Variants in RSRC1 observed in about 807,000 individuals in gnomAD.
The protein encoded by RSRC1 is arginine and serine rich coiled-coil 1.
A neutral mutation model predicts 49.1 loss-of-function variants in RSRC1; 39 were observed. The observed-to-expected ratio is 0.79, with a 90% CI of 0.61 to 1.04. The LOEUF is 1.04. Ranked by LOEUF, RSRC1 falls within the 50% of genes least tolerant of loss-of-function variation. The pLI, the probability that RSRC1 is intolerant of heterozygous loss-of-function variation, is 0.00. For missense variants in RSRC1, 388 were observed against 402.4 expected, an observed-to-expected ratio of 0.96 and a Z score of 0.31; for synonymous variants, 143 against 130.8, an observed-to-expected ratio of 1.09 and a Z score of -0.63.
chr3:158,165,003 G>T (rs1343812845), intron 3 of RSRC1, among the ~76,000 whole-genome samples: 4 of 152,068 alleles, frequency 2.6e-5, no homozygotes, highest in African/African-American at 9.7e-5. Context: ...CTCCAAATTA[G>T]ATTTTAAATG....
At chr3:158,360,948 G>A (rs940352016) in intron 6 of RSRC1, among the ~76,000 whole-genome samples, 5 of 152,206 alleles carry the variant, frequency 3.3e-5, no homozygotes, top group African/African-American at 1.2e-4. Context: ...ACAGCCTGGG[G>A]TGGGGGTTCC....
intron 6 of RSRC1, among the ~76,000 whole-genome samples, chr3:158,359,170 G>A (rs149060420): frequency 2.0e-5 from 3 of 152,018 alleles, no homozygotes; most frequent in East Asian, 1.9e-4. Flanking sequence ...TTTTACTTTC[G>A]CACCAATAGC....
At chr3:158,393,076 A>G (rs1023485550) in intron 6 of RSRC1, among the ~76,000 whole-genome samples, 1 of 152,062 alleles carries the variant, frequency 6.6e-6, no homozygotes, top group Non-Finnish European at 1.5e-5. Flanking sequence ...TTTTGTATAA[A>G]CAATGAAATT....
chr3:158,122,504 T>G (rs56991859), intron 2 of RSRC1, among the ~76,000 whole-genome samples: 1,662 of 152,112 alleles, frequency 0.011, 43 homozygotes, highest in African/African-American at 0.038. Flanking sequence ...AGTAGGCAAA[T>G]AGATAGAAAG....
chr3:158,353,822 T>C (rs573493030), intron 5 of RSRC1, among the ~76,000 whole-genome samples: 3 of 152,272 alleles, frequency 2.0e-5, no homozygotes, highest in South Asian at 4.1e-4. Context: ...CTGACAACTT[T>C]ATAAATATAT....
At chr3:158,256,254 A>C (rs1422935769) in intron 4 of RSRC1, among the ~76,000 whole-genome samples, 5 of 152,110 alleles carry the variant, frequency 3.3e-5, no homozygotes, top group Non-Finnish European at 7.4e-5. Context: ...TAGTTTATTG[A>C]GAGTTTTTAG....
At chr3:158,251,526 C>T (rs1249293883) in intron 4 of RSRC1, among the ~76,000 whole-genome samples, 1 of 151,870 alleles carries the variant, frequency 6.6e-6, no homozygotes, top group Non-Finnish European at 1.5e-5. Flanking sequence ...TTATAGAGAT[C>T]TTTGTTTTTT....
At chr3:158,192,194 T>C (rs1208165375) in intron 3 of RSRC1, among the ~76,000 whole-genome samples, 2 of 152,064 alleles carry the variant, frequency 1.3e-5, no homozygotes, top group African/African-American at 4.8e-5. Context: ...TCCAATAGCT[T>C]ATTCTGTGCA....
intron 7 of RSRC1, among the ~76,000 whole-genome samples, chr3:158,518,092 G>A (rs923005644): frequency 7.4e-5 from 6 of 81,338 alleles, no homozygotes; most frequent in Non-Finnish European, 1.4e-4. Flanking sequence ...ACGTAAGTGC[G>A]TGCGTGTGTG....
At chr3:158,234,367 A>T (rs1723125534) in intron 4 of RSRC1, among the ~76,000 whole-genome samples, 1 of 152,180 alleles carries the variant, frequency 6.6e-6, no homozygotes, top group African/African-American at 2.4e-5. Context: ...GATAGCAATG[A>T]TTATGTAAAT....
In RSRC1 at chr3:158,302,016, C is replaced by CTG. The variant is rs1383718015; in HGVS notation, c.531+3951_531+3952dup. Among the ~76,000 whole-genome samples the CTG allele has an allele frequency of 3.5e-5, 5 of 141,012 alleles. No homozygotes were observed. The East Asian group carries it at 8.4e-4, about 24-fold the overall frequency. 92.5% of individuals were successfully genotyped at this position (141,012 alleles called of 152,430 possible). ...GTTTTTTTTTTTTGTTGTTGTTAAA[C>CTG]TGTGTGTGTGTATGTGTGGTGTGTG... On this transcript the variant is annotated intron_variant, in intron 5 of 9. Coordinates refer to ENST00000611884, the MANE Select transcript of RSRC1 (RefSeq NM_001271838.2).
chr3:158,415,290 G>A (rs184487772), intron 6 of RSRC1, among the ~76,000 whole-genome samples: 1 of 151,924 alleles, frequency 6.6e-6, no homozygotes, highest in Non-Finnish European at 1.5e-5. Context: ...AGCTTTTTTT[G>A]TGTGTGTGAG....
At chr3:158,294,521 G>A (rs1433853087) in intron 4 of RSRC1, among the ~76,000 whole-genome samples, 1 of 151,768 alleles carries the variant, frequency 6.6e-6, no homozygotes, top group African/African-American at 2.4e-5. Flanking sequence ...TTCCTTGTGG[G>A]TTCATCTTTT....
chr3:158,283,322 A>AT (rs75623410), intron 4 of RSRC1, among the ~76,000 whole-genome samples: 34,189 of 151,792 alleles, frequency 0.23, 4,312 homozygotes, highest in Non-Finnish European at 0.29. Context: ...TGGACTAATA[A>AT]TTTTTTTTCA....
chr3:158,239,080 C>T (rs777891346), intron 4 of RSRC1, among the ~76,000 whole-genome samples: 7 of 151,996 alleles, frequency 4.6e-5, no homozygotes, highest in African/African-American at 1.2e-4. Context: ...CAAAATAAGA[C>T]ATTTATACAG....
intron 5 of RSRC1, among the ~76,000 whole-genome samples, chr3:158,351,808 A>G (rs1480564905): frequency 1.3e-5 from 2 of 150,630 alleles, no homozygotes; most frequent in Non-Finnish European, 3.0e-5. Flanking sequence ...TGAATCCTGT[A>G]TTATAAATTG....
intron 4 of RSRC1, among the ~76,000 whole-genome samples, chr3:158,258,558 C>T (rs561310600): frequency 6.6e-6 from 1 of 152,028 alleles, no homozygotes; most frequent in East Asian, 1.9e-4. Context: ...GTTCTATAAC[C>T]TTCTTGTTCT....
chr3:158,272,163 T>C (rs1725554561), intron 4 of RSRC1, among the ~76,000 whole-genome samples: 1 of 152,158 alleles, frequency 6.6e-6, no homozygotes, highest in Non-Finnish European at 1.5e-5. Flanking sequence ...AAGGGATTTC[T>C]TTCTTAAGCC....
chr3:158,517,103 G>A (rs777394636), intron 7 of RSRC1, among the ~76,000 whole-genome samples: 4 of 152,126 alleles, frequency 2.6e-5, no homozygotes, highest in Admixed American at 6.5e-5. Flanking sequence ...GTTCCTATTC[G>A]GCCATCTTGG....
Sources: gnomAD v4.1 joint callset for allele counts (sites outside exome capture counted in the v4.1 genomes callset) on GRCh38, gnomAD v4.1.1 for gene constraint, MANE v1.5 for transcripts, NCBI Gene and HGNC (gene_info 2026-07-23, HGNC 2026-07-21) for gene names.